Variants in TENM2 observed in about 807,000 individuals in gnomAD.
The protein encoded by TENM2 is teneurin transmembrane protein 2, also known as teneurin-2.
In TENM2, 52 loss-of-function variants were observed where a neutral mutation model predicts 245.2. The ratio of observed to expected loss-of-function variants is 0.21; its 90% CI spans 0.17 to 0.27. TENM2 has a LOEUF of 0.27. TENM2 is among the 10% of genes least tolerant of loss of function. TENM2 has a pLI of 1.00. For missense variants in TENM2, 3,046 were observed against 3,666.8 expected (o/e 0.83, Z 4.37); for synonymous variants, 1,363 against 1,438.9 (o/e 0.95, Z 1.19).
At chr5:167,646,679 G>A (rs1378088845) in intron 2 of TENM2, among the ~76,000 whole-genome samples, 3 of 151,840 alleles carry the variant, frequency 2.0e-5, no homozygotes, top group Admixed American at 1.3e-4. Flanking sequence ...ATAGCAACCC[G>A]GGGACATAGG....
rs1766718316 is a variant in TENM2, at chr5:168,247,682, A to G, written c.6743A>G (p.Tyr2248Cys). 3 of 1,613,720 alleles carry G rather than the reference A, an allele frequency of 1.9e-6. No individual in the cohort carries two copies. Among genetic ancestry groups the G allele is most frequent in the Non-Finnish European group, 2.5e-6 (3 of 1,179,900 alleles). The change falls in exon 27 of 29, where the codon TAT becomes TGT. Residue 2248 changes from tyrosine to cysteine, a missense_variant. Tyr to Cys is a radical substitution (Grantham distance 194). Around this residue, in one of 2 missense-constraint regions of TENM2, gnomAD observed 2,704 missense variants for 3,331.9 expected, o/e 0.81. Transcript: ENST00000518659. The surrounding 1 kb of genome is among the most constrained non-coding windows in gnomAD (Gnocchi z 7.8). ...AGTGTGCGCCTCATGCCCTTGCGCTATGACCTCCGGGATCGGATAACCAGA... is the reference window on the plus strand; with the variant it reads ...AGTGTGCGCCTCATGCCCTTGCGCTGTGACCTCCGGGATCGGATAACCAGA...
At chr5:167,159,060 C>T in the TENM2 span, among the ~76,000 whole-genome samples, 1 of 151,360 alleles carries the variant, frequency 6.6e-6, no homozygotes, top group African/African-American at 2.4e-5. Flanking sequence ...TCAAGAAATT[C>T]TACTGCCTCA....
At chr5:168,075,651 G>A (rs146184508) in intron 7 of TENM2, among the ~76,000 whole-genome samples, 501 of 152,252 alleles carry the variant, frequency 3.3e-3, no homozygotes, top group African/African-American at 0.011. Flanking sequence ...TCTTTCACTC[G>A]CAGAATGTCA....
chr5:167,795,255 T>C (rs1765238132), intron 2 of TENM2, among the ~76,000 whole-genome samples: 1 of 152,158 alleles, frequency 6.6e-6, no homozygotes, highest in African/African-American at 2.4e-5. Context: ...GAAAGATTAA[T>C]GTGGTCAAAA....
At chr5:168,076,971 A>G (rs564376818) in intron 7 of TENM2, among the ~76,000 whole-genome samples, 1 of 152,212 alleles carries the variant, frequency 6.6e-6, no homozygotes, top group Admixed American at 6.5e-5. Context: ...CTGGATTAAG[A>G]GTGTCCTCTT....
chr5:167,629,129 T>C (rs2127787462), intron 2 of TENM2, among the ~76,000 whole-genome samples: 1 of 152,318 alleles, frequency 6.6e-6, no homozygotes, highest in East Asian at 1.9e-4. Flanking sequence ...ATCCAAGGTT[T>C]CATAGCATAT....
chr5:167,328,204 GTTTTTTTTTTTTT>G (rs70976412), intron 1 of TENM2, among the ~76,000 whole-genome samples: 2 of 91,016 alleles, frequency 2.2e-5, no homozygotes, highest in African/African-American at 9.7e-5. Context: ...TTCTCATATC[GTTTTTTTTTTTTT>G]TTTTTTTTTT....
chr5:167,008,450 CTT>C, the TENM2 span, among the ~76,000 whole-genome samples: 2 of 152,296 alleles, frequency 1.3e-5, no homozygotes, highest in African/African-American at 2.4e-5. Context: ...GATTACCAGT[CTT>C]TCAATTTTTT....
intron 5 of TENM2, among the ~76,000 whole-genome samples, chr5:168,004,517 G>GCGCACACACGCA (rs898616203): frequency 7.6e-6 from 1 of 132,152 alleles, no homozygotes; most frequent in Non-Finnish European, 1.6e-5. Context: ...GCGCGCGCGC[G>GCGCACACACGCA]CACACACACA....
the TENM2 span, among the ~76,000 whole-genome samples, chr5:167,186,394 A>G: frequency 5.3e-5 from 8 of 152,200 alleles, no homozygotes; most frequent in Non-Finnish European, 1.0e-4. Flanking sequence ...AAAGAGGTAA[A>G]GGAAATGATT....
chr5:168,250,493 A>C (rs1029201351), intron 27 of TENM2, among the ~76,000 whole-genome samples: 35 of 152,220 alleles, frequency 2.3e-4, no homozygotes, highest in African/African-American at 8.4e-4. Context: ...GACTGAGGCC[A>C]CTTGTCCATC....
chr5:167,658,460 G>A (rs1040465262), intron 2 of TENM2, among the ~76,000 whole-genome samples: 2 of 151,980 alleles, frequency 1.3e-5, no homozygotes, highest in East Asian at 1.9e-4. Context: ...TTCCCACCTC[G>A]GCCTCCCAAA....
chr5:168,014,249 A>G (rs1434935566), intron 5 of TENM2, among the ~76,000 whole-genome samples: 1 of 152,216 alleles, frequency 6.6e-6, no homozygotes, highest in Non-Finnish European at 1.5e-5. Context: ...TAAGCAGTTC[A>G]CATAGATTTT....
At chr5:167,500,724 A>T (rs1018178421) in intron 2 of TENM2, among the ~76,000 whole-genome samples, 7 of 152,088 alleles carry the variant, frequency 4.6e-5, no homozygotes, top group Non-Finnish European at 1.0e-4. Flanking sequence ...AGATGACAGG[A>T]ACGTTCTGGA....
At chr5:167,954,679 A>G (rs1290421394) in intron 4 of TENM2, among the ~76,000 whole-genome samples, 1 of 151,766 alleles carries the variant, frequency 6.6e-6, no homozygotes, top group Non-Finnish European at 1.5e-5. Context: ...ATGTGTTCTT[A>G]TTGTTCAGCT....
At chr5:167,234,191 T>C in the TENM2 span, among the ~76,000 whole-genome samples, 1 of 152,202 alleles carries the variant, frequency 6.6e-6, no homozygotes, top group Non-Finnish European at 1.5e-5. Context: ...ATGAAGAATT[T>C]ATTCAGTAAT....
chr5:167,605,719 A>T (rs1016135022), intron 2 of TENM2, among the ~76,000 whole-genome samples: 3 of 152,226 alleles, frequency 2.0e-5, no homozygotes, highest in Non-Finnish European at 2.9e-5. Context: ...CTGTAATTAC[A>T]TCTGATCGTG....
intron 1 of TENM2, among the ~76,000 whole-genome samples, chr5:167,313,541 G>A (rs887689569): frequency 6.6e-6 from 1 of 152,140 alleles, no homozygotes; most frequent in East Asian, 1.9e-4. Flanking sequence ...GGCGGCTGAG[G>A]CAGGAGAACC....
At chr5:167,911,572 C>T (rs1283401845) in intron 3 of TENM2, among the ~76,000 whole-genome samples, 2 of 152,180 alleles carry the variant, frequency 1.3e-5, no homozygotes, top group East Asian at 3.9e-4. Flanking sequence ...ACTCAGATGA[C>T]ATCAGCAAAT....
Sources: gnomAD v4.1 joint callset for allele counts (sites outside exome capture counted in the v4.1 genomes callset) on GRCh38, gnomAD v4.1.1 for gene constraint, gnomAD v4.1.1 regional missense constraint, Gnocchi (gnomAD v3.1) non-coding constraint, MANE v1.5 for transcripts, NCBI Gene and HGNC (gene_info 2026-07-23, HGNC 2026-07-21) for gene names.